Variants in IREB2 observed in about 807,000 individuals in gnomAD.
IREB2 encodes iron-responsive element-binding protein 2.
Under a neutral mutation model 118.8 loss-of-function variants are expected in IREB2, and 39 were observed. That is an observed-to-expected ratio of 0.33 (90% confidence interval 0.25 to 0.43). IREB2 has a LOEUF of 0.43. IREB2 is among the 20% of genes least tolerant of loss of function. The probability of loss-of-function intolerance (pLI) is 1.00; values close to 1 mark genes in which losing one functional copy is unlikely to be tolerated. For synonymous variants in IREB2, 372 were observed against 392.2 expected (o/e 0.95, Z 0.61); for missense variants, 900 against 1,147.3 (o/e 0.78, Z 3.11).
chr15:78,438,036 C>T (rs1031086316), upstream of IREB2: 7 of 454,512 alleles, frequency 1.5e-5, no homozygotes, highest in Non-Finnish European at 2.8e-5. Context: ...CCACTGGAGC[C>T]TCCCCAGCGC....
chr15:78,460,562 C>T (rs775814861), intron 2 of IREB2, among the ~76,000 whole-genome samples: 4 of 152,128 alleles, frequency 2.6e-5, no homozygotes, highest in Non-Finnish European at 4.4e-5. Flanking sequence ...ACAAGATATC[C>T]AGGCTCATTT....
intron 2 of IREB2, among the ~76,000 whole-genome samples, chr15:78,446,100 C>T (rs1284809617): frequency 6.6e-6 from 1 of 152,124 alleles, no homozygotes; most frequent in Non-Finnish European, 1.5e-5. Context: ...TTGTTTTAAC[C>T]TATTTTGACT....
chr15:78,474,854 G>C (rs1332884016), intron 8 of IREB2: 2 of 151,220 alleles, frequency 1.3e-5, no homozygotes, highest in Non-Finnish European at 2.9e-5. Context: ...AGGAGATCGA[G>C]ACCATCCTGG....
chr15:78,440,814 C>T (rs1209050177), intron 2 of IREB2, among the ~76,000 whole-genome samples: 1 of 152,160 alleles, frequency 6.6e-6, no homozygotes, highest in Non-Finnish European at 1.5e-5. Flanking sequence ...TTTTGGCAGA[C>T]ATTCTCATTG....
chr15:78,474,195 A>G (rs1418071986), intron 8 of IREB2: 1 of 152,216 alleles, frequency 6.6e-6, no homozygotes, highest in Non-Finnish European at 1.5e-5. Flanking sequence ...CTATTTTGTT[A>G]AATGAATGTA....
chr15:78,459,586 G>A (rs2051163755), intron 2 of IREB2, among the ~76,000 whole-genome samples: 1 of 152,158 alleles, frequency 6.6e-6, no homozygotes, highest in African/African-American at 2.4e-5. Flanking sequence ...TTGACCTCGA[G>A]TGATCCACCC....
chr15:78,440,841 AC>A (rs373232659), intron 2 of IREB2, among the ~76,000 whole-genome samples: 2 of 151,526 alleles, frequency 1.3e-5, no homozygotes, highest in African/African-American at 4.8e-5. Flanking sequence ...TCAGGGTCAA[AC>A]CTTTCTCTGT....
At chr15:78,445,634 A>G (rs1320019579) in intron 2 of IREB2, among the ~76,000 whole-genome samples, 1 of 152,188 alleles carries the variant, frequency 6.6e-6, no homozygotes, top group Non-Finnish European at 1.5e-5. Flanking sequence ...TTTCTTTTTG[A>G]ATATCCAGTC....
At chr15:78,485,863 C>T (rs2051651179) in intron 13 of IREB2, 23 bp downstream of exon 13, 5 of 1,603,474 alleles carry the variant, frequency 3.1e-6, no homozygotes, top group African/African-American at 2.7e-5. Context: ...TATCGCACTT[C>T]ATATTGATAT....
intron 2 of IREB2, among the ~76,000 whole-genome samples, chr15:78,454,970 ATGAGCCAC>A (rs1424811102): frequency 6.6e-6 from 1 of 152,124 alleles, no homozygotes; most frequent in East Asian, 1.9e-4. Flanking sequence ...GATTACAGGC[ATGAGCCAC>A]TGTGCCCAGC....
intron 12 of IREB2, among the ~76,000 whole-genome samples, chr15:78,485,173 T>A (rs1397514538): frequency 1.3e-5 from 2 of 152,238 alleles, no homozygotes; most frequent in African/African-American, 4.8e-5. Flanking sequence ...TCTTGTTAAT[T>A]TAGAACTATA....
intron 2 of IREB2, among the ~76,000 whole-genome samples, chr15:78,443,443 T>C (rs895313003): frequency 6.6e-6 from 1 of 152,232 alleles, no homozygotes; most frequent in Admixed American, 6.5e-5. Context: ...ATTCTGACTT[T>C]AGATAGAGTT....
chr15:78,475,682 CAAA>C, intron 8 of IREB2: 1 of 138,714 alleles, frequency 7.2e-6, no homozygotes, highest in Non-Finnish European at 1.6e-5. Flanking sequence ...CCTGTCTCTA[CAAA>C]AAAAAAAAAG....
At chr15:78,489,169 C>A (rs1337237782) in intron 16 of IREB2, among the ~76,000 whole-genome samples, 1 of 151,814 alleles carries the variant, frequency 6.6e-6, no homozygotes, top group Non-Finnish European at 1.5e-5. Flanking sequence ...TTGCGGTGAT[C>A]CGAGATCGCG....
chr15:78,437,834 C>T (rs1325158472), upstream of IREB2: 1 of 155,746 alleles, frequency 6.4e-6, no homozygotes, highest in African/African-American at 2.4e-5. Flanking sequence ...CAAGTTAATG[C>T]AAGGCTTTAT....
intron 16 of IREB2, 73 bp downstream of exon 16, chr15:78,488,844 T>G (rs567342275): frequency 1.2e-6 from 1 of 845,484 alleles, no homozygotes; most frequent in Admixed American, 2.9e-5. Context: ...ATCTTCTGAA[T>G]AGAATAAAAA....
At chr15:78,475,833 CAGAGTGAGACCCTGTTTCTAAA>C (rs2051460165) in intron 8 of IREB2, 2 of 159,088 alleles carry the variant, frequency 1.3e-5, no homozygotes, top group Non-Finnish European at 2.8e-5. Context: ...GCCTGGGCAA[CAGAGTGAGACCCTGTTTCTAAA>C]AGAAAGAAAG....
At chr15:78,471,634 C>T (rs1006473519) in intron 6 of IREB2, 107 bp from the exon 7 acceptor site, 13 of 594,158 alleles carry the variant, frequency 2.2e-5, no homozygotes, top group South Asian at 3.9e-5. Context: ...TTGTATTTAC[C>T]ATATTGAACA....
Position 78,487,723 on chromosome 15 carries a change from TGAAA to T in IREB2, c.1710-9_1710-6del. On this transcript the variant is annotated splice_polypyrimidine_tract_variant and splice_region_variant and intron_variant, in intron 13 of 21. Coordinates refer to ENST00000258886, the MANE Select transcript of IREB2 (RefSeq NM_004136.4). Reference sequence around the variant, plus strand: ...ATGTGCTATTCAGTCACTTTTTTTTTGAAATGCAGATTTGAAATCGTTGGCTATG... The same window carrying T: ...ATGTGCTATTCAGTCACTTTTTTTTTTGCAGATTTGAAATCGTTGGCTATG... 1 of 1,530,526 alleles carries T rather than the reference TGAAA, an allele frequency of 6.5e-7. No individual in the cohort carries two copies. The highest frequency in any genetic ancestry group is 1.4e-5 in the African/African-American group (1 of 73,442). 94.8% of individuals were successfully genotyped at this position (1,530,526 alleles called of 1,614,324 possible).
Sources: allele counts gnomAD v4.1 joint callset (sites outside exome capture counted in the v4.1 genomes callset), GRCh38; gene constraint gnomAD v4.1.1; transcripts MANE v1.5; gene names NCBI Gene and HGNC (gene_info 2026-07-23, HGNC 2026-07-21).